The following TXLNB variants were observed in gnomAD, a reference collection of about 807,000 sequenced individuals.
TXLNB encodes the protein taxilin beta, also known as beta-taxilin.
A neutral mutation model predicts 57.4 loss-of-function variants in TXLNB; 37 were observed. The ratio of observed to expected loss-of-function variants is 0.64; its 90% CI spans 0.50 to 0.85. The LOEUF (loss-of-function observed/expected upper bound fraction) is 0.85, where lower values mean the gene tolerates loss of function less well. TXLNB is among the 40% of genes least tolerant of loss of function. The probability of loss-of-function intolerance (pLI) is 0.00; values close to 1 mark genes in which losing one functional copy is unlikely to be tolerated. For synonymous variants in TXLNB, 302 were observed against 309.6 expected (o/e 0.98, Z 0.26); for missense variants, 848 against 825.6 (o/e 1.03, Z -0.33).
At chr6:139,245,945 A>T (rs1161579450) in intron 8 of TXLNB, among the ~76,000 whole-genome samples, 2 of 152,272 alleles carry the variant, frequency 1.3e-5, no homozygotes, top group East Asian at 3.9e-4. Context: ...CACCCGCCTC[A>T]GCCTCCCAAA....
At chr6:139,194,063 G>C in the TXLNB span, among the ~76,000 whole-genome samples, 1 of 151,178 alleles carries the variant, frequency 6.6e-6, no homozygotes, top group Non-Finnish European at 1.5e-5. Flanking sequence ...GGATGGTCTC[G>C]ATCTCCTGAC....
At chr6:139,280,266 A>AAAG (rs1777012009) in intron 2 of TXLNB, among the ~76,000 whole-genome samples, 1 of 146,456 alleles carries the variant, frequency 6.8e-6, no homozygotes, top group African/African-American at 2.5e-5. Context: ...AAAAAAAAAA[A>AAAG]AAAAAAAAAG....
the TXLNB span, among the ~76,000 whole-genome samples, chr6:139,223,295 A>T: frequency 1.3e-5 from 2 of 152,218 alleles, no homozygotes; most frequent in African/African-American, 4.8e-5. Flanking sequence ...AACTTGTGGG[A>T]TGCAGTTAAA....
chr6:139,216,130 A>G, the TXLNB span, among the ~76,000 whole-genome samples: 11 of 152,274 alleles, frequency 7.2e-5, no homozygotes, highest in East Asian at 1.9e-3. Flanking sequence ...CTGGGTATAT[A>G]CCCAAAGGAT....
intron 5 of TXLNB, among the ~76,000 whole-genome samples, chr6:139,262,348 A>G (rs1196741574): frequency 6.6e-6 from 1 of 152,178 alleles, no homozygotes; most frequent in Admixed American, 6.5e-5. Flanking sequence ...ATCACTTTCT[A>G]TTTATTGCCT....
intron 4 of TXLNB, among the ~76,000 whole-genome samples, chr6:139,268,292 A>G (rs1776668325): frequency 6.6e-6 from 1 of 152,192 alleles, no homozygotes; most frequent in Non-Finnish European, 1.5e-5. Flanking sequence ...AAATTGACAT[A>G]ATTAAAATAA....
chr6:139,196,428 G>A, the TXLNB span, among the ~76,000 whole-genome samples: 3 of 121,488 alleles, frequency 2.5e-5, no homozygotes, highest in African/African-American at 6.5e-5. Context: ...AGGCTGGAGT[G>A]CAATGGTGTG....
At chr6:139,287,843 C>T (rs1328275754) in intron 2 of TXLNB, among the ~76,000 whole-genome samples, 1 of 151,508 alleles carries the variant, frequency 6.6e-6, no homozygotes, top group Non-Finnish European at 1.5e-5. Context: ...CGTTTTTGCA[C>T]TTCTCCTATA....
chr6:139,314,264 A>G, the TXLNB span, among the ~76,000 whole-genome samples: 1 of 152,180 alleles, frequency 6.6e-6, no homozygotes, highest in Non-Finnish European at 1.5e-5. Flanking sequence ...AGAGACATTT[A>G]CCATATATTC....
At chr6:139,210,956 G>C in the TXLNB span, among the ~76,000 whole-genome samples, 7 of 152,250 alleles carry the variant, frequency 4.6e-5, no homozygotes, top group Non-Finnish European at 1.0e-4. Flanking sequence ...CACTGCTCAG[G>C]CTTGAGTAGG....
chr6:139,245,990 G>T (rs559194794), intron 8 of TXLNB, among the ~76,000 whole-genome samples: 1 of 152,298 alleles, frequency 6.6e-6, no homozygotes, highest in South Asian at 2.1e-4. Flanking sequence ...ACTGCGCCCA[G>T]CCAGTTGTTT....
At chr6:139,222,572 C>T in the TXLNB span, among the ~76,000 whole-genome samples, 2 of 152,198 alleles carry the variant, frequency 1.3e-5, no homozygotes, top group African/African-American at 4.8e-5. Context: ...TTTGGGAAGC[C>T]GAGGCAGGTG....
chr6:139,180,498 T>C, the TXLNB span: 1 of 152,644 alleles, frequency 6.6e-6, no homozygotes. Context: ...GTTTAGTGTT[T>C]TATTTCCTAT....
chr6:139,280,080 C>G, intron 2 of TXLNB, among the ~76,000 whole-genome samples: 1 of 151,986 alleles, frequency 6.6e-6, no homozygotes, highest in Non-Finnish European at 1.5e-5. Context: ...TGGTGAAACC[C>G]TGCCTCTTCT....
At chr6:139,171,822 T>A in the TXLNB span, among the ~76,000 whole-genome samples, 2 of 151,566 alleles carry the variant, frequency 1.3e-5, no homozygotes, top group African/African-American at 4.9e-5. Flanking sequence ...GTTGTTGTTG[T>A]TGTTTGTTGT....
rs749220236 is a variant in TXLNB at position 139,242,904 on chromosome 6, T to C, written c.1677A>G (p.Leu559=). ...CTCCTTCGGCTTCAGCCTGAGGAGTTAGGGGAGGCAGGGGACTCTCTGAAT... is the reference window on the plus strand; with the variant it reads ...CTCCTTCGGCTTCAGCCTGAGGAGTCAGGGGAGGCAGGGGACTCTCTGAAT... The part of the protein sequence containing the change: ...SRDSESPLPP[L]TPQAEAEGGS... The change falls in exon 10 of 10, where the codon CTA becomes CTG. Residue 559 remains leucine, a synonymous_variant. Transcript: ENST00000358430. 6.8e-6 allele frequency: 11 copies of C among 1,613,956 alleles called. No homozygotes were observed. The highest frequency in any genetic ancestry group is 9.3e-6 in the Non-Finnish European group (11 of 1,179,996).
chr6:139,208,780 G>A, the TXLNB span, among the ~76,000 whole-genome samples: 1 of 152,154 alleles, frequency 6.6e-6, no homozygotes, highest in Admixed American at 6.5e-5. Context: ...TGCCATAGAA[G>A]GGACATAGCT....
In TXLNB at chr6:139,288,574, GC is replaced by G. The variant is rs1777232338; in HGVS notation, c.325del (p.Ala109LeufsTer30). 1 of 1,614,176 alleles carries G rather than the reference GC, an allele frequency of 6.2e-7. No individual in the cohort carries two copies. Among genetic ancestry groups the G allele is most frequent in the Non-Finnish European group, 8.5e-7 (1 of 1,180,036 alleles). ...DGDCEETTEE[A>X]GREPVASGEP... Reference sequence around the variant, plus strand: ...TCCAGAAGCAACGGGTTCTCTTCCAGCCTCTTCAGTTGTTTCCTCACAGTCC... The same window carrying G: ...TCCAGAAGCAACGGGTTCTCTTCCAGCTCTTCAGTTGTTTCCTCACAGTCC... On this transcript the variant is annotated frameshift_variant, in exon 2 of 10. Transcript: ENST00000358430. LOFTEE classifies it high-confidence loss of function.
At chr6:139,289,334 C>T in intron 1 of TXLNB, among the ~76,000 whole-genome samples, 1 of 152,194 alleles carries the variant, frequency 6.6e-6, no homozygotes, top group South Asian at 2.1e-4. Flanking sequence ...CACGTACCCC[C>T]TGCTTGCTCA....
Sources: gnomAD v4.1 joint callset for allele counts (sites outside exome capture counted in the v4.1 genomes callset) on GRCh38, gnomAD v4.1.1 for gene constraint, MANE v1.5 for transcripts, NCBI Gene and HGNC (gene_info 2026-07-23, HGNC 2026-07-21) for gene names.